The following BCAS3 variants were observed in gnomAD, a reference collection of about 807,000 sequenced individuals.
BCAS3 encodes the protein BCAS3 microtubule associated cell migration factor.
In BCAS3, 53 loss-of-function variants were observed where a neutral mutation model predicts 116.1. The ratio of observed to expected loss-of-function variants is 0.46; its 90% confidence interval spans 0.37 to 0.57. The LOEUF is 0.57. BCAS3 is among the 20% of genes least tolerant of loss of function. The pLI, the probability that BCAS3 is intolerant of heterozygous loss-of-function variation, is 0.00. For missense variants in BCAS3, 917 were observed against 1,165.4 expected, an observed-to-expected ratio of 0.79 and a Z score of 3.10; for synonymous variants, 391 against 408.2, an observed-to-expected ratio of 0.96 and a Z score of 0.51.
intron 22 of BCAS3, among the ~76,000 whole-genome samples, chr17:61,271,164 G>A (rs35283029): frequency 0.049 from 5,405 of 111,378 alleles, 146 homozygotes; most frequent in Middle Eastern, 0.11. Flanking sequence ...GTCTCGCTCT[G>A]TTCCCCAGGC....
At chr17:61,193,626 G>A (rs1395631059) in intron 22 of BCAS3, among the ~76,000 whole-genome samples, 3 of 151,106 alleles carry the variant, frequency 2.0e-5, no homozygotes, top group Admixed American at 6.6e-5. Flanking sequence ...GTGTCGTGGC[G>A]CATGCCTGTA....
chr17:61,179,874 C>CTTT lies in BCAS3; in HGVS notation c.2425+95326_2425+95328dup, dbSNP rs5821309. ...TATCACTGTTTTTCTCTCTCTCTCT[C>CTTT]TTTTTTTTTTTTTTTTTTGGCAGCC... On this transcript the variant is annotated intron_variant, in intron 22 of 23. Coordinates refer to ENST00000407086, the MANE Select transcript of BCAS3 (RefSeq NM_017679.5). 1.7e-3 allele frequency among the ~76,000 whole-genome samples: 216 copies of CTTT among 124,348 alleles called. 2 individuals carry two copies. The highest frequency in any genetic ancestry group is 2.8e-3 in the African/African-American group (94 of 33,142). The allele number at this position is 124,348 out of a possible 152,430, so 81.6% of individuals were successfully genotyped here. A position where few individuals can be genotyped will look rare whatever the true frequency, so the allele number is the denominator to read the frequency against.
intron 22 of BCAS3, among the ~76,000 whole-genome samples, chr17:61,110,649 G>C (rs1345653358): frequency 6.6e-6 from 1 of 152,038 alleles, no homozygotes. Flanking sequence ...ACTGCAAGGC[G>C]GCAGCGAGGC....
intron 22 of BCAS3, among the ~76,000 whole-genome samples, chr17:61,320,433 G>A (rs1266112893): frequency 6.6e-6 from 1 of 151,966 alleles, no homozygotes; most frequent in Non-Finnish European, 1.5e-5. Context: ...TGTAATCCCA[G>A]CACTTTGGAA....
In BCAS3 at chr17:61,214,094, G is replaced by C. The variant is rs753076902; in HGVS notation, c.2425+129530G>C. Among the ~76,000 whole-genome samples the C allele has an allele frequency of 6.6e-6, 1 of 152,230 alleles. No homozygotes were observed. The highest frequency in any genetic ancestry group is 2.1e-4 in the South Asian group (1 of 4,818). ...TTTGAGCTATAGGAATAGGCCATTC[G>C]TGGTGGCTCACACCTGTAATCCCAG... On this transcript the variant is annotated intron_variant, in intron 22 of 23. Transcript: ENST00000407086. The surrounding 1 kb of genome is among the most constrained non-coding windows in gnomAD (Gnocchi z 4.4).
rs2055828431 is a variant in BCAS3, at chr17:61,327,432, A to T, written c.2426-40895A>T. ...ATGTAAATGTTTATGACATCATAGAATTGTAATGAGACTATATTGAGGGTT... is the reference window on the plus strand; with the variant it reads ...ATGTAAATGTTTATGACATCATAGATTTGTAATGAGACTATATTGAGGGTT... On this transcript the variant is annotated intron_variant, in intron 22 of 23. Coordinates refer to ENST00000407086, the MANE Select transcript of BCAS3 (RefSeq NM_017679.5). The surrounding 1 kb of genome is among the most constrained non-coding windows in gnomAD (Gnocchi z 5.9). Among the ~76,000 whole-genome samples, 1 of 152,220 alleles carries T rather than the reference A, an allele frequency of 6.6e-6. No individual in the cohort carries two copies. The highest frequency in any genetic ancestry group is 6.5e-5 in the Admixed American group (1 of 15,282).
chr17:61,147,020 C>A (rs2077258545), intron 22 of BCAS3, among the ~76,000 whole-genome samples: 1 of 151,630 alleles, frequency 6.6e-6, no homozygotes, highest in Admixed American at 6.6e-5. Flanking sequence ...GCTCAAGCAA[C>A]CCTCCCGCCT....
chr17:60,687,056 A>G (rs1009888722), intron 3 of BCAS3, among the ~76,000 whole-genome samples: 3 of 152,264 alleles, frequency 2.0e-5, no homozygotes, highest in African/African-American at 7.2e-5. Flanking sequence ...AAATAAGACA[A>G]CATACAGAAT....
chr17:60,766,220 T>C (rs2044077101), intron 6 of BCAS3, among the ~76,000 whole-genome samples: 1 of 152,206 alleles, frequency 6.6e-6, no homozygotes, highest in African/African-American at 2.4e-5. Context: ...TGTCCTGCTT[T>C]GTTACGTTGC....
In BCAS3 at chr17:61,217,725, C is replaced by T. The variant is rs1700717334; in HGVS notation, c.2425+133161C>T. Among the ~76,000 whole-genome samples, 1 of 152,186 alleles carries T rather than the reference C, an allele frequency of 6.6e-6. No individual in the cohort carries two copies. The highest frequency in any genetic ancestry group is 2.1e-4 in the South Asian group (1 of 4,834). On this transcript the variant is annotated intron_variant, in intron 22 of 23. Coordinates refer to ENST00000407086, the MANE Select transcript of BCAS3 (RefSeq NM_017679.5). This position sits in a 1 kb window ranked among gnomAD's most constrained non-coding sequence, Gnocchi z 5.2. ...CTGACTAGTTGATTTTCTTGAGAAA[C>T]ATTATTCTTGATCCCGTAACATCCC...
chr17:60,714,242 A>G (rs952042005), intron 5 of BCAS3, among the ~76,000 whole-genome samples: 2 of 152,224 alleles, frequency 1.3e-5, no homozygotes, highest in African/African-American at 2.4e-5. Context: ...CACTGGGATT[A>G]CAGATGTAAG....
At chr17:60,997,887 G>T (rs1391263394) in intron 15 of BCAS3, among the ~76,000 whole-genome samples, 1 of 152,178 alleles carries the variant, frequency 6.6e-6, no homozygotes, top group Non-Finnish European at 1.5e-5. Flanking sequence ...TACATGTGCA[G>T]ATTCGTTACA....
intron 14 of BCAS3, among the ~76,000 whole-genome samples, chr17:60,952,320 C>CT (rs201469779): frequency 2.2e-4 from 32 of 148,196 alleles, no homozygotes; most frequent in Non-Finnish European, 2.4e-4. Context: ...TATTTTTAAA[C>CT]TTTTTTTTTT....
At chr17:61,342,564 G>A (rs1195377535) in intron 22 of BCAS3, among the ~76,000 whole-genome samples, 1 of 152,192 alleles carries the variant, frequency 6.6e-6, no homozygotes, top group African/African-American at 2.4e-5. Flanking sequence ...CCTCGCTGGG[G>A]CAGATGCTTA....
In BCAS3 at chr17:61,078,983, A is replaced by G. The variant is rs548786471; in HGVS notation, c.2327+454A>G. 1.6e-3 allele frequency among the ~76,000 whole-genome samples: 238 copies of G among 152,202 alleles called. 2 individuals are homozygous for G. Among genetic ancestry groups the G allele is most frequent in the African/African-American group, 5.1e-3 (212 of 41,546 alleles). On this transcript the variant is annotated intron_variant, in intron 21 of 23. Transcript: ENST00000407086. ...GTTGGTATAAATTCAATTATAGTTTATCTTCTATATTTTTATAATACATGT... is the reference window on the plus strand; with the variant it reads ...GTTGGTATAAATTCAATTATAGTTTGTCTTCTATATTTTTATAATACATGT...
intron 15 of BCAS3, among the ~76,000 whole-genome samples, chr17:61,010,365 AG>A (rs1436103088): frequency 3.3e-5 from 5 of 152,058 alleles, no homozygotes; most frequent in African/African-American, 4.8e-5. Context: ...ATATGCAGAC[AG>A]TGGAACTATG....
Position 61,084,379 on chromosome 17 carries a change from C to A in BCAS3, c.2328-88C>A. The A allele has an allele frequency of 1.9e-6, 2 of 1,036,160 alleles. No homozygotes were observed. The highest frequency in any genetic ancestry group is 1.5e-5 in the South Asian group (1 of 66,914). The allele number at this position is 1,036,160 out of a possible 1,614,324, so 64.2% of individuals were successfully genotyped here. The stretch of plus-strand genomic sequence containing the variant: ...GATGGTTCTTTAATGGATTGTGCTA[C>A]TCCAGCATTCCTGATTTAAGGTCAT... On this transcript the variant is annotated intron_variant, in intron 21 of 23. Transcript: ENST00000407086. The surrounding 1 kb of genome is among the most constrained non-coding windows in gnomAD (Gnocchi z 5.5).
In BCAS3 at chr17:61,118,643, T is replaced by G. The variant is rs1021952612; in HGVS notation, c.2425+34079T>G. 6.6e-6 allele frequency among the ~76,000 whole-genome samples: 1 copy of G among 152,066 alleles called. No individual in the cohort carries two copies. Among genetic ancestry groups the G allele is most frequent in the Admixed American group, 6.6e-5 (1 of 15,260 alleles). On this transcript the variant is annotated intron_variant, in intron 22 of 23. Coordinates refer to ENST00000407086, the MANE Select transcript of BCAS3 (RefSeq NM_017679.5). This position sits in a 1 kb window ranked among gnomAD's most constrained non-coding sequence, Gnocchi z 5.0. ...CTGTGGGTGGTGGGGGTGCTGCAAG[T>G]TTTTGTGTGGCGTTTGGGTAGAGAG...
rs200185310 is a variant in BCAS3, at chr17:61,098,722, G to A, written c.2425+14158G>A. ...TTCTTAAGTCTCTAAATGTTTTTAC[G>A]TTGTTGTGATCAGGATTTCTTTGCC... is the stretch of plus-strand genomic sequence containing the variant. On this transcript the variant is annotated intron_variant, in intron 22 of 23. Transcript: ENST00000407086. The surrounding 1 kb of genome is among the most constrained non-coding windows in gnomAD (Gnocchi z 4.2). Among the ~76,000 whole-genome samples the A allele has an allele frequency of 1.8e-4, 28 of 152,250 alleles. No homozygotes were observed. In the East Asian group the frequency reaches 4.1e-3, roughly 22 times the overall value.
Sources: allele counts gnomAD v4.1 joint callset (sites outside exome capture counted in the v4.1 genomes callset), GRCh38; gene constraint gnomAD v4.1.1; non-coding constraint Gnocchi (gnomAD v3.1); transcripts MANE v1.5; gene names NCBI Gene and HGNC (gene_info 2026-07-23, HGNC 2026-07-21).